ASB2: variants seen among roughly 807,000 people sequenced by gnomAD.
The protein encoded by ASB2 is ankyrin repeat and SOCS box containing 2.
In ASB2, 58 loss-of-function variants were observed where a neutral mutation model predicts 62.4. The observed-to-expected ratio is 0.93, with a 90% CI of 0.75 to 1.16. The LOEUF is 1.16. ASB2 is among the 50% of genes most tolerant of loss of function. The pLI, the probability that ASB2 is intolerant of heterozygous loss-of-function variation, is 0.00. For synonymous variants in ASB2, 386 were observed against 385.3 expected, an observed-to-expected ratio of 1.00 and a Z score of -0.02; for missense variants, 928 against 887.9, an observed-to-expected ratio of 1.05 and a Z score of -0.57.
At chr14:93,959,943 T>G (rs1889351368) in intron 2 of ASB2, among the ~76,000 whole-genome samples, 1 of 149,420 alleles carries the variant, frequency 6.7e-6, no homozygotes, top group African/African-American at 2.5e-5. Flanking sequence ...CGCCAACATG[T>G]CACCAGTCCA....
Position 93,953,486 on chromosome 14 carries a change from T to G in ASB2, c.500A>C (p.Gln167Pro), listed in dbSNP as rs775418795. 6.9e-6 allele frequency: 11 copies of G among 1,597,752 alleles called. No homozygotes were observed. The highest frequency in any genetic ancestry group is 6.9e-6 in the Non-Finnish European group (8 of 1,167,540). Residue 167 changes from glutamine to proline, a missense_variant, in exon 5 of 10, where the codon CAG becomes CCG. Transcript: ENST00000555019. ...LQRAYPGTID[Q>P]RTLQEETAVY... is the part of the protein sequence containing the mutation. ...GGCTGTTTCCTCCTGCAGGGTGCGC[T>G]GGTCGATGGTCCCTGGGTACGCTAG...
chr14:93,962,866 G>C (rs371764739), intron 2 of ASB2, among the ~76,000 whole-genome samples: 4 of 152,326 alleles, frequency 2.6e-5, no homozygotes, highest in Non-Finnish European at 1.5e-5. Flanking sequence ...CCGCTGAACC[G>C]GCCAGAACAG....
Position 93,934,338 on chromosome 14 carries a change from C to T in ASB2, c.*318G>A, listed in dbSNP as rs969571576. 6 of 442,670 alleles carry T rather than the reference C, an allele frequency of 1.4e-5. No homozygotes were observed. The highest frequency in any genetic ancestry group is 2.6e-5 in the Non-Finnish European group (6 of 233,010). 27.4% of individuals were successfully genotyped at this position (442,670 alleles called of 1,614,324 possible). On this transcript the variant is annotated 3_prime_UTR_variant, in exon 10 of 10. Coordinates refer to ENST00000555019, the MANE Select transcript of ASB2 (RefSeq NM_001202429.2). ...AGGGGCACAGGGAAGGCTCTGAGCA[C>T]CACCTTCCCCAGAACACCTCAAGCT...
At position 93,937,756 on chromosome 14, in the gene ASB2, C is replaced by T. The variant is rs139476701; in HGVS notation, c.1713G>A (p.Ser571=). The change falls in exon 9 of 10, where the codon TCG becomes TCA. Residue 571 remains serine, a synonymous_variant. Transcript: ENST00000555019. ...AGCTGTCGATGTGTTCCTTCAGCCG[C>T]GAGCAGAGCTGCACGTTGCCCACGT... ...LDYVGNVQLC[S]RLKEHIDSFE... is the part of the protein sequence containing the mutation. 3.7e-6 allele frequency: 6 copies of T among 1,613,180 alleles called. No individual in the cohort carries two copies. Among genetic ancestry groups the T allele is most frequent in the East Asian group, 2.2e-5 (1 of 44,852 alleles).
chr14:93,938,001 G>T, intron 8 of ASB2, 150 bp from the exon 9 acceptor site: 1 of 770,492 alleles, frequency 1.3e-6, no homozygotes, highest in Non-Finnish European at 2.0e-6. Context: ...ACAGGCTTCT[G>T]CTGCCCAAAG....
intron 1 of ASB2, among the ~76,000 whole-genome samples, chr14:93,974,268 C>G (rs1384761431): frequency 1.3e-5 from 2 of 152,120 alleles, no homozygotes; most frequent in East Asian, 1.9e-4. Flanking sequence ...TTCAATTTAC[C>G]TTTATTTCAG....
chr14:93,956,843 C>A lies in ASB2; in HGVS notation c.234G>T (p.Pro78=). The part of the protein sequence containing the change: ...TRSTAPPESS[P]ARAPMGLFQG... ...GGAACAAGCCCATTGGGGCCCGGGC[C>A]GGCGAACTCTCAGGAGGTGCAGTGG... The change falls in exon 3 of 10, where the codon CCG becomes CCT. Residue 78 remains proline (P), a synonymous_variant. Transcript: ENST00000555019. The A allele has an allele frequency of 4.3e-6, 7 of 1,614,168 alleles. No homozygotes were observed. The highest frequency in any genetic ancestry group is 5.9e-6 in the Non-Finnish European group (7 of 1,180,028).
chr14:93,973,807 G>A (rs1260147503), intron 1 of ASB2: 1 of 152,866 alleles, frequency 6.5e-6, no homozygotes, highest in Non-Finnish European at 1.5e-5. Context: ...TCTGCCATCT[G>A]TGCCAGTGAC....
In ASB2 at chr14:93,975,055, G is replaced by A. The variant is rs151015269; in HGVS notation, c.-74+1379C>T. 2.8e-3 allele frequency among the ~76,000 whole-genome samples: 423 copies of A among 152,362 alleles called. 1 individual carries two copies. The highest frequency in any genetic ancestry group is 9.0e-3 in the African/African-American group (373 of 41,592). ...GGCCTGCCACCAGCTGTCAGGACCC[G>A]TCCAACTGTTTTGGAAGTGCCTCGA... On this transcript the variant is annotated intron_variant, in intron 1 of 9. Coordinates refer to ENST00000555019, the MANE Select transcript of ASB2 (RefSeq NM_001202429.2).
Position 93,934,788 on chromosome 14 carries a change from A to C in ASB2, c.1776T>G (p.Pro592=). 1 of 1,613,024 alleles carries C rather than the reference A, an allele frequency of 6.2e-7. No individual in the cohort carries two copies. Among genetic ancestry groups the C allele is most frequent in the Non-Finnish European group, 8.5e-7 (1 of 1,179,042 alleles). The part of the protein sequence containing the change: ...DWAVIKEKAE[P]PRPLAHLCRL... Reference sequence around the variant, plus strand: ...GGCAAAGGTGAGCCAGAGGTCTTGGAGGTTCTGAAAAAAGGAGGGAAAGAC... The same window carrying C: ...GGCAAAGGTGAGCCAGAGGTCTTGGCGGTTCTGAAAAAAGGAGGGAAAGAC... The change falls in exon 10 of 10, where the codon CCT becomes CCG. Residue 592 remains proline (P), a synonymous_variant. Coordinates refer to ENST00000555019, the MANE Select transcript of ASB2 (RefSeq NM_001202429.2).
intron 2 of ASB2, chr14:93,957,078 A>G: frequency 6.9e-7 from 1 of 1,445,714 alleles, no homozygotes; most frequent in Admixed American, 2.9e-5. Flanking sequence ...CCTTGGAGGA[A>G]GCCCTGGGAG....
intron 7 of ASB2, among the ~76,000 whole-genome samples, chr14:93,946,486 A>G (rs970769455): frequency 2.0e-5 from 3 of 152,234 alleles, no homozygotes; most frequent in African/African-American, 7.2e-5. Flanking sequence ...CTATTTCCCC[A>G]TGTAAATATT....
chr14:93,937,075 C>T (rs1314094728), intron 9 of ASB2, among the ~76,000 whole-genome samples: 3 of 152,260 alleles, frequency 2.0e-5, no homozygotes, highest in Middle Eastern at 3.4e-3. Context: ...AGCTGGACAA[C>T]GAGCCTGCCC....
At position 93,934,942 on chromosome 14, in the gene ASB2, A is replaced by G. The variant is rs564858911; in HGVS notation, c.1772-150T>C. 1.4e-4 allele frequency: 92 copies of G among 653,696 alleles called. No homozygotes were observed. In the East Asian group the frequency reaches 2.0e-3, roughly 14 times the overall value. 40.5% of individuals were successfully genotyped at this position (653,696 alleles called of 1,614,324 possible). ...CTGCTGGTCACCCCAGTCCCTGCCA[A>G]CTAAAGAGATCCAGCAAGCCACCTT... On this transcript the variant is annotated intron_variant, in intron 9 of 9. Transcript: ENST00000555019.
chr14:93,951,964 C>T (rs1225527452), intron 5 of ASB2, among the ~76,000 whole-genome samples: 1 of 152,218 alleles, frequency 6.6e-6, no homozygotes, highest in Admixed American at 6.5e-5. Context: ...AGAGTTCTCA[C>T]CAGGAGCTGC....
chr14:93,968,689 A>G (rs1889666132), intron 1 of ASB2, among the ~76,000 whole-genome samples: 1 of 152,180 alleles, frequency 6.6e-6, no homozygotes, highest in Admixed American at 6.5e-5. Context: ...CAGAGGGAGG[A>G]GAAGGGTTTA....
chr14:93,948,507 C>T (rs898130208), intron 6 of ASB2, among the ~76,000 whole-genome samples: 72 of 152,340 alleles, frequency 4.7e-4, no homozygotes, highest in African/African-American at 1.6e-3. Context: ...AATATTGATC[C>T]TTACTGCTAT....
At chr14:93,972,533 G>A (rs570981861) in intron 1 of ASB2, among the ~76,000 whole-genome samples, 1 of 152,320 alleles carries the variant, frequency 6.6e-6, no homozygotes, top group East Asian at 1.9e-4. Context: ...CGCGGATGAG[G>A]AGACTAAGGC....
At chr14:93,969,482 G>GC (rs1256601168) in intron 1 of ASB2, among the ~76,000 whole-genome samples, 1 of 152,200 alleles carries the variant, frequency 6.6e-6, no homozygotes, top group East Asian at 1.9e-4. Context: ...GTGATGCCTT[G>GC]CCCCTCTTTG....
Sources: allele counts gnomAD v4.1 joint callset (sites outside exome capture counted in the v4.1 genomes callset), GRCh38; gene constraint gnomAD v4.1.1; transcripts MANE v1.5; gene names NCBI Gene and HGNC (gene_info 2026-07-23, HGNC 2026-07-21).